PTCSC3: variants seen among roughly 807,000 people sequenced by gnomAD.
PTCSC3 encodes papillary thyroid carcinoma susceptibility candidate 3 (non-protein coding).
intron 3 of PTCSC3, among the ~76,000 whole-genome samples, chr14:36,139,070 C>A: frequency 6.8e-6 from 1 of 146,954 alleles, no homozygotes; most frequent in East Asian, 2.0e-4. Context: ...GCCGAGATCG[C>A]GCCACCGCAC....
intron 1 of PTCSC3, among the ~76,000 whole-genome samples, chr14:36,176,138 A>G (rs1396445371): frequency 6.6e-6 from 1 of 152,166 alleles, no homozygotes; most frequent in Non-Finnish European, 1.5e-5. Context: ...CCAGAGAGCA[A>G]TATTAAGGTT....
intron 2 of PTCSC3, among the ~76,000 whole-genome samples, chr14:36,155,719 T>G (rs1881812636): frequency 1.3e-5 from 2 of 152,176 alleles, no homozygotes; most frequent in Non-Finnish European, 2.9e-5. Context: ...AAAATAATCC[T>G]AAGATTTGGA....
intron 3 of PTCSC3, among the ~76,000 whole-genome samples, chr14:36,149,122 T>C (rs1292832628): frequency 6.6e-6 from 1 of 152,240 alleles, no homozygotes; most frequent in South Asian, 2.1e-4. Context: ...TTTTCTAATA[T>C]GTAAATTCAG....
intron 1 of PTCSC3, among the ~76,000 whole-genome samples, chr14:36,173,558 A>G (rs940964565): frequency 2.0e-5 from 3 of 151,956 alleles, no homozygotes; most frequent in Non-Finnish European, 4.4e-5. Context: ...AAGACAGTTA[A>G]CTCTTAGGTA....
At chr14:36,136,824 A>T (rs2139084759) in intron 3 of PTCSC3, among the ~76,000 whole-genome samples, 1 of 152,358 alleles carries the variant, frequency 6.6e-6, no homozygotes, top group East Asian at 1.9e-4. Context: ...GAGAAAAGAA[A>T]GTTCTTTATT....
chr14:36,162,556 A>G (rs1456047682), intron 2 of PTCSC3: 1 of 152,222 alleles, frequency 6.6e-6, no homozygotes, highest in Non-Finnish European at 1.5e-5. Context: ...CGTGGGCTGC[A>G]CCCACTGTCT....
intron 2 of PTCSC3, among the ~76,000 whole-genome samples, chr14:36,155,378 T>C (rs981019956): frequency 1.8e-4 from 27 of 152,224 alleles, no homozygotes; most frequent in African/African-American, 5.3e-4. Context: ...ACTATAGGTG[T>C]ATAAGTAGCT....
intron 2 of PTCSC3, among the ~76,000 whole-genome samples, chr14:36,158,388 G>A (rs1447671523): frequency 2.0e-5 from 3 of 152,136 alleles, no homozygotes; most frequent in Admixed American, 6.5e-5. Flanking sequence ...TTGGCTGTGG[G>A]TTTGTCACAA....
At chr14:36,142,283 C>A (rs1425386749) in intron 3 of PTCSC3, among the ~76,000 whole-genome samples, 1 of 152,072 alleles carries the variant, frequency 6.6e-6, no homozygotes, top group Non-Finnish European at 1.5e-5. Flanking sequence ...TATGATTTTT[C>A]TTCTTTAACC....
chr14:36,140,336 A>G (rs1001073408), intron 3 of PTCSC3, among the ~76,000 whole-genome samples: 4 of 152,220 alleles, frequency 2.6e-5, no homozygotes, highest in African/African-American at 9.6e-5. Flanking sequence ...ACCAAAACAC[A>G]TTCTAATTCA....
intron 3 of PTCSC3, among the ~76,000 whole-genome samples, chr14:36,142,843 T>A (rs1174883078): frequency 7.7e-6 from 1 of 130,556 alleles, no homozygotes; most frequent in African/African-American, 2.9e-5. Context: ...GACTATGATA[T>A]TCCCCTTCCT....
At chr14:36,151,655 A>G (rs562132207) in intron 3 of PTCSC3, among the ~76,000 whole-genome samples, 2 of 152,202 alleles carry the variant, frequency 1.3e-5, no homozygotes, top group South Asian at 4.1e-4. Flanking sequence ...GACTTTTAGA[A>G]GAAGTTCTTA....
At chr14:36,140,582 T>C (rs2139087786) in intron 3 of PTCSC3, among the ~76,000 whole-genome samples, 1 of 152,344 alleles carries the variant, frequency 6.6e-6, no homozygotes, top group Middle Eastern at 3.4e-3. Flanking sequence ...CCTAATGACA[T>C]GTGATGCTGA....
chr14:36,162,367 G>T (rs191378322), intron 2 of PTCSC3, among the ~76,000 whole-genome samples: 1 of 151,944 alleles, frequency 6.6e-6, no homozygotes, highest in South Asian at 2.1e-4. Context: ...TGTAGGCACT[G>T]GAGGGAATCT....
intron 3 of PTCSC3, among the ~76,000 whole-genome samples, chr14:36,153,349 G>A (rs1169131): frequency 0.62 from 94,758 of 151,940 alleles, 29,794 homozygotes; most frequent in Middle Eastern, 0.68. Flanking sequence ...TATCCAAATA[G>A]CCATTGAGCC....
chr14:36,159,200 T>C (rs1476816406), intron 2 of PTCSC3, among the ~76,000 whole-genome samples: 1 of 112,168 alleles, frequency 8.9e-6, no homozygotes, highest in East Asian at 2.5e-4. Flanking sequence ...AAACAGCTCC[T>C]GGATTCATTG....
chr14:36,158,183 A>G (rs1041840942), intron 2 of PTCSC3, among the ~76,000 whole-genome samples: 6 of 152,326 alleles, frequency 3.9e-5, no homozygotes, highest in African/African-American at 1.4e-4. Context: ...TAAATATACA[A>G]TCATGTCATC....
At chr14:36,162,274 A>AC (rs1404268409) in intron 2 of PTCSC3, among the ~76,000 whole-genome samples, 1 of 150,782 alleles carries the variant, frequency 6.6e-6, no homozygotes, top group East Asian at 1.9e-4. Flanking sequence ...AAAAAAAAAA[A>AC]AAAAAAAAAA....
intron 1 of PTCSC3, among the ~76,000 whole-genome samples, chr14:36,165,722 CTTTTTTT>C (rs71448056): frequency 1.6e-5 from 2 of 124,820 alleles, no homozygotes; most frequent in African/African-American, 5.8e-5. Flanking sequence ...TTTATTTTTC[CTTTTTTT>C]TTTTTTTTTT....
Sources: allele counts gnomAD v4.1 joint callset (sites outside exome capture counted in the v4.1 genomes callset), GRCh38; gene constraint gnomAD v4.1.1; transcripts MANE v1.5; gene names NCBI Gene and HGNC (gene_info 2026-07-23, HGNC 2026-07-21).